BET1: variants seen among roughly 807,000 people sequenced by gnomAD.
The protein encoded by BET1 is Bet1 golgi vesicular membrane trafficking protein.
A neutral mutation model predicts 13.9 loss-of-function variants in BET1; 9 were observed. The ratio of observed to expected loss-of-function variants is 0.65; its 90% CI spans 0.39 to 1.13. The LOEUF (loss-of-function observed/expected upper bound fraction) is 1.13. Among genes scored for constraint, BET1 ranks in the 50% most tolerant of loss-of-function variants. BET1 has a pLI of 0.01. For synonymous variants in BET1, 39 were observed against 47.3 expected (o/e 0.82, Z 0.72); for missense variants, 127 against 133.6 (o/e 0.95, Z 0.24).
chr7:93,983,271 T>C (rs1795459484), intron 4 of BET1, among the ~76,000 whole-genome samples: 1 of 152,218 alleles, frequency 6.6e-6, no homozygotes, highest in South Asian at 2.1e-4. Flanking sequence ...CTTTCACTTC[T>C]TCATGGAGTA....
intron 6 of BET1, among the ~76,000 whole-genome samples, chr7:93,968,724 T>C (rs964396528): frequency 6.6e-6 from 1 of 151,766 alleles, no homozygotes; most frequent in African/African-American, 2.4e-5. Flanking sequence ...CTACACTCTC[T>C]TTCTTTTGAA....
At chr7:93,965,311 GAGTT>G (rs1210809019) in exon 7 of BET1, 3 of 151,898 alleles carry the variant, frequency 2.0e-5, no homozygotes, top group African/African-American at 7.2e-5. Flanking sequence ...ATCAGGATAA[GAGTT>G]AGTATTCACC....
chr7:93,982,023 C>T (rs975610823), intron 4 of BET1, among the ~76,000 whole-genome samples: 12 of 152,150 alleles, frequency 7.9e-5, no homozygotes, highest in Non-Finnish European at 1.6e-4. Flanking sequence ...TAAATAAAAG[C>T]TACTCCCTCA....
chr7:93,996,266 A>G lies in BET1; in HGVS notation c.200T>C (p.Met67Thr). The change falls in exon 3 of 4, where the codon ATG (methionine) becomes ACG (threonine). Residue 67 changes from methionine (M) to threonine (T), a missense_variant and splice_region_variant. Transcript: ENST00000222547. Reference sequence around the variant, plus strand: ...AAAGTTAAAATCATAACCACTTACCATTTCAGCTAATAATTTATTCTGGGT... The same window carrying G: ...AAAGTTAAAATCATAACCACTTACCGTTTCAGCTAATAATTTATTCTGGGT... ...VKTQNKLLAE[M>T]DSQFDSTTGF... is the part of the protein sequence containing the mutation. 3 of 1,565,884 alleles carry G rather than the reference A, an allele frequency of 1.9e-6. No homozygotes were observed. Among genetic ancestry groups the G allele is most frequent in the Non-Finnish European group, 2.6e-6 (3 of 1,149,674 alleles).
At chr7:93,983,104 T>G (rs377169369) in intron 4 of BET1, among the ~76,000 whole-genome samples, 2 of 152,190 alleles carry the variant, frequency 1.3e-5, no homozygotes, top group African/African-American at 4.8e-5. Context: ...TAAGAGAGTC[T>G]GGGAGATTCC....
chr7:93,985,231 A>G (rs1795503628), intron 4 of BET1, among the ~76,000 whole-genome samples: 1 of 152,138 alleles, frequency 6.6e-6, no homozygotes, highest in Non-Finnish European at 1.5e-5. Context: ...GACTTTCTAT[A>G]AAGTTTCATG....
intron 2 of BET1, among the ~76,000 whole-genome samples, chr7:93,998,274 G>C (rs1795815363): frequency 6.6e-6 from 1 of 152,164 alleles, no homozygotes; most frequent in Non-Finnish European, 1.5e-5. Context: ...GAAGACTTCT[G>C]GGAGTGCAGG....
rs1216168515 is a variant in BET1 at position 93,993,906 on chromosome 7, T to C, written c.*324A>G. On this transcript the variant is annotated 3_prime_UTR_variant, in exon 4 of 4. Transcript: ENST00000222547. The stretch of plus-strand genomic sequence containing the variant: ...CCACTAAGTTTCCTTACATGGGACA[T>C]AAACCTGCATTTATGATTACAACAA... 6.5e-7 allele frequency: 1 copy of C among 1,535,880 alleles called. No individual in the cohort carries two copies. The highest frequency in any genetic ancestry group is 1.2e-5 in the South Asian group (1 of 84,036).
In BET1 at chr7:93,993,260, T is replaced by C. The variant is rs1423960188; in HGVS notation, c.*970A>G. ...AAAGAAGTAACACAGTCGACTAATA[T>C]ATTTTATTTAAAAATTTACTTTTGA... On this transcript the variant is annotated 3_prime_UTR_variant, in exon 4 of 4. Transcript: ENST00000222547. 4.2e-6 allele frequency: 4 copies of C among 948,476 alleles called. No individual in the cohort carries two copies. Among genetic ancestry groups the C allele is most frequent in the Non-Finnish European group, 5.0e-6 (4 of 796,558 alleles). 58.8% of individuals were successfully genotyped at this position (948,476 alleles called of 1,614,324 possible).
chr7:93,974,340 T>G (rs75646886), intron 5 of BET1, among the ~76,000 whole-genome samples: 536 of 152,064 alleles, frequency 3.5e-3, no homozygotes, highest in African/African-American at 0.012. Context: ...CACCCAGATT[T>G]TTGTTTCTAA....
chr7:93,977,560 G>A (rs1795360890), intron 4 of BET1, among the ~76,000 whole-genome samples: 1 of 152,086 alleles, frequency 6.6e-6, no homozygotes, highest in Non-Finnish European at 1.5e-5. Flanking sequence ...TAAAAACCCT[G>A]TACTTTGACC....
At chr7:94,002,045 T>C (rs929033725) in intron 1 of BET1, among the ~76,000 whole-genome samples, 2 of 152,158 alleles carry the variant, frequency 1.3e-5, no homozygotes, top group Admixed American at 1.3e-4. Flanking sequence ...CCAAATACAA[T>C]GACAAAAGTA....
rs1795840887 is a variant in BET1 at position 93,999,242 on chromosome 7, C to A, written c.72G>T (p.Gly24=). 46 of 1,613,326 alleles carry A rather than the reference C, an allele frequency of 2.9e-5. No individual in the cohort carries two copies. The highest frequency in any genetic ancestry group is 3.9e-5 in the Non-Finnish European group (46 of 1,179,514). Residue 24 remains glycine, a synonymous_variant, in exon 2 of 4, where the codon GGG becomes GGT. Coordinates refer to ENST00000222547, the MANE Select transcript of BET1 (RefSeq NM_005868.6). ...CATTTTCTTCTTCACAGGCACTATA[C>A]CCACTATTAGCATAGCCATAGTTCC... ...NYGNYGYANS[G]YSACEEENER... is the part of the protein sequence containing the mutation.
Position 93,993,591 on chromosome 7 carries a change from A to G in BET1, c.*639T>C. 1 of 1,153,144 alleles carries G rather than the reference A, an allele frequency of 8.7e-7. No homozygotes were observed. The highest frequency in any genetic ancestry group is 1.1e-6 in the Non-Finnish European group (1 of 936,018). 71.4% of individuals were successfully genotyped at this position (1,153,144 alleles called of 1,614,324 possible). ...AAAGTTAATATGAAATAATAACTATACTGATACACATGTGCAATGGGCCCT... is the reference window on the plus strand; with the variant it reads ...AAAGTTAATATGAAATAATAACTATGCTGATACACATGTGCAATGGGCCCT... On this transcript the variant is annotated 3_prime_UTR_variant, in exon 4 of 4. Coordinates refer to ENST00000222547, the MANE Select transcript of BET1 (RefSeq NM_005868.6).
At chr7:93,984,410 A>C (rs1340892469) in intron 4 of BET1, among the ~76,000 whole-genome samples, 1 of 152,140 alleles carries the variant, frequency 6.6e-6, no homozygotes, top group Non-Finnish European at 1.5e-5. Flanking sequence ...ATTTGAGAAG[A>C]GTTGGTGGAC....
chr7:93,984,098 T>G (rs1795479989), intron 4 of BET1, among the ~76,000 whole-genome samples: 1 of 152,154 alleles, frequency 6.6e-6, no homozygotes, highest in African/African-American at 2.4e-5. Flanking sequence ...AGCTCATGGG[T>G]AGGATCCTTT....
chr7:93,983,413 A>G (rs1795462556), intron 4 of BET1, among the ~76,000 whole-genome samples: 2 of 152,198 alleles, frequency 1.3e-5, no homozygotes, highest in Non-Finnish European at 2.9e-5. Flanking sequence ...TTCATGGGGG[A>G]AAATCTCCAA....
chr7:93,994,146 A>G lies in BET1; in HGVS notation c.*84T>C, dbSNP rs2286845. ...GAAAATGCCACAGTATTTGAACACT[A>G]GGAATGTTTTGATGCTGATTTTTAT... On this transcript the variant is annotated 3_prime_UTR_variant, in exon 4 of 4. Transcript: ENST00000222547. The G allele has an allele frequency of 0.36, 534,458 of 1,502,462 alleles. 97,739 individuals are homozygous for G. The highest frequency in any genetic ancestry group is 0.46 in the East Asian group (19,895 of 43,612). 93.1% of individuals were successfully genotyped at this position (1,502,462 alleles called of 1,614,324 possible). A position where few individuals can be genotyped will look rare whatever the true frequency, so the allele number is the denominator to read the frequency against.
At chr7:93,972,976 G>C (rs1469637555) in intron 5 of BET1, among the ~76,000 whole-genome samples, 2 of 151,516 alleles carry the variant, frequency 1.3e-5, no homozygotes, top group Non-Finnish European at 2.9e-5. Flanking sequence ...TTTTGAAGCT[G>C]TAAACTGGCT....
Sources: gnomAD v4.1 joint callset for allele counts (sites outside exome capture counted in the v4.1 genomes callset) on GRCh38, gnomAD v4.1.1 for gene constraint, MANE v1.5 for transcripts, NCBI Gene and HGNC (gene_info 2026-07-23, HGNC 2026-07-21) for gene names.